CPXM2: variants seen among roughly 807,000 people sequenced by gnomAD.
CPXM2 encodes inactive carboxypeptidase-like protein X2.
CPXM2 carries 66 observed loss-of-function variants against 86.1 expected under a neutral mutation model. That is an observed-to-expected ratio of 0.77 (90% CI 0.63 to 0.94). CPXM2 has a LOEUF of 0.94. Among genes scored for constraint, CPXM2 ranks in the 40% least tolerant of loss-of-function variants. The probability of loss-of-function intolerance (pLI) is 0.00; values close to 1 mark genes in which losing one functional copy is unlikely to be tolerated. For missense variants in CPXM2, 948 were observed against 1,026.3 expected (o/e 0.92, Z 1.04); for synonymous variants, 388 against 400.2 (o/e 0.97, Z 0.36).
At chr10:123,922,662 T>C (rs1182139221) in intron 2 of CPXM2, among the ~76,000 whole-genome samples, 1 of 152,218 alleles carries the variant, frequency 6.6e-6, no homozygotes, top group African/African-American at 2.4e-5. Flanking sequence ...TGAGATTAAA[T>C]TCCCCAAAGC....
rs1385809627 is a variant in CPXM2, at chr10:123,822,727, TAATA to T, written c.653+19618_653+19621del. The stretch of plus-strand genomic sequence containing the variant: ...AGGCAGCAGAAAATGGACCTGAAAA[TAATA>T]ATAATAATAATAATAATAATAGAAT... On this transcript the variant is annotated intron_variant, in intron 4 of 13. Coordinates refer to ENST00000241305, the MANE Select transcript of CPXM2 (RefSeq NM_198148.3). 3.0e-3 allele frequency among the ~76,000 whole-genome samples: 11 copies of T among 3,642 alleles called. No homozygotes were observed. The East Asian group carries it at 0.33, about 110-fold the overall frequency. The allele number at this position is 3,642 out of a possible 152,430, so 2.4% of individuals were successfully genotyped here. A position where few individuals can be genotyped will look rare whatever the true frequency, so the allele number is the denominator to read the frequency against.
intron 11 of CPXM2, among the ~76,000 whole-genome samples, chr10:123,760,695 CTG>C (rs557480918): frequency 6.0e-4 from 91 of 152,328 alleles, no homozygotes; most frequent in Non-Finnish European, 9.6e-4. Context: ...CTTATCACGA[CTG>C]TTTCTGTGAG....
At chr10:123,835,102 C>T (rs770465022) in intron 4 of CPXM2, among the ~76,000 whole-genome samples, 4 of 152,154 alleles carry the variant, frequency 2.6e-5, no homozygotes, top group Non-Finnish European at 5.9e-5. Context: ...TATAGCAACA[C>T]CAATGGACTA....
chr10:123,936,405 T>A (rs1030853011), intron 2 of CPXM2, among the ~76,000 whole-genome samples: 2 of 152,232 alleles, frequency 1.3e-5, no homozygotes, highest in African/African-American at 4.8e-5. Flanking sequence ...TCTGCAGCTC[T>A]TATCGGCTAT....
At chr10:123,753,979 T>C (rs755373966) in intron 13 of CPXM2, among the ~76,000 whole-genome samples, 3 of 152,238 alleles carry the variant, frequency 2.0e-5, no homozygotes, top group Non-Finnish European at 4.4e-5. Context: ...ATACAATTTA[T>C]GTGAGGAATG....
chr10:123,814,598 G>A (rs1187028553), intron 4 of CPXM2, among the ~76,000 whole-genome samples: 3 of 151,922 alleles, frequency 2.0e-5, no homozygotes, highest in Non-Finnish European at 4.4e-5. Flanking sequence ...GAATATTAAC[G>A]ATGGAGTTCT....
chr10:123,770,347 C>T (rs1430044017), intron 8 of CPXM2, among the ~76,000 whole-genome samples: 1 of 152,094 alleles, frequency 6.6e-6, no homozygotes, highest in African/African-American at 2.4e-5. Context: ...CTCCTGAGAC[C>T]CTGATGAATG....
intron 7 of CPXM2, among the ~76,000 whole-genome samples, chr10:123,776,026 C>T (rs1846779005): frequency 6.6e-6 from 1 of 152,116 alleles, no homozygotes; most frequent in Admixed American, 6.5e-5. Context: ...TTGATGACTT[C>T]AGTCAGAGTA....
chr10:123,828,959 T>C (rs1848103795), intron 4 of CPXM2, among the ~76,000 whole-genome samples: 2 of 152,150 alleles, frequency 1.3e-5, no homozygotes, highest in Admixed American at 6.6e-5. Context: ...AGAAAATATT[T>C]ACAAACCACA....
intron 7 of CPXM2, among the ~76,000 whole-genome samples, chr10:123,773,732 G>C (rs1846714921): frequency 6.6e-6 from 1 of 152,166 alleles, no homozygotes. Flanking sequence ...AGGAATCATG[G>C]GGTTAAATGG....
Position 123,803,006 on chromosome 10 carries a change from T to C in CPXM2, c.654-3807A>G, listed in dbSNP as rs147032880. Reference sequence around the variant, plus strand: ...CTTTTTCAATTAAGTTGTCTGTCTTTCTCACATTGATTTATAGAGCTCTTT... The same window carrying C: ...CTTTTTCAATTAAGTTGTCTGTCTTCCTCACATTGATTTATAGAGCTCTTT... On this transcript the variant is annotated intron_variant, in intron 4 of 13. Transcript: ENST00000241305. Among the ~76,000 whole-genome samples the C allele has an allele frequency of 1.1e-3, 171 of 152,068 alleles. 1 individual carries two copies. The highest frequency in any genetic ancestry group is 4.3e-3 in the Admixed American group (65 of 15,260).
chr10:123,771,379 G>A (rs1017570172), intron 7 of CPXM2, among the ~76,000 whole-genome samples: 3 of 152,036 alleles, frequency 2.0e-5, no homozygotes, highest in Non-Finnish European at 4.4e-5. Flanking sequence ...AAAATCCATA[G>A]GCTGAAACCT....
intron 2 of CPXM2, among the ~76,000 whole-genome samples, chr10:123,920,225 A>G (rs1028168673): frequency 1.3e-5 from 2 of 152,252 alleles, no homozygotes; most frequent in Non-Finnish European, 2.9e-5. Context: ...GGAAACCAAA[A>G]GATTATTGAA....
upstream of CPXM2, among the ~76,000 whole-genome samples, chr10:123,940,620 T>C (rs1590132895): frequency 1.3e-5 from 2 of 152,166 alleles, no homozygotes; most frequent in African/African-American, 4.8e-5. Context: ...AACACCCACC[T>C]AACAAGCATC....
rs914510962 is a variant in CPXM2 at position 123,836,223 on chromosome 10, C to T, written c.653+6126G>A. Reference sequence around the variant, plus strand: ...ACCTCCCCTTGGCTCCATCTCAGCCCCTTGAACCCTGACCCCAGTCATCAA... The same window carrying T: ...ACCTCCCCTTGGCTCCATCTCAGCCTCTTGAACCCTGACCCCAGTCATCAA... On this transcript the variant is annotated intron_variant, in intron 4 of 13. Transcript: ENST00000241305. 3.3e-5 allele frequency among the ~76,000 whole-genome samples: 5 copies of T among 152,216 alleles called. No individual in the cohort carries two copies. The South Asian group carries it at 6.2e-4, about 19-fold the overall frequency.
intron 2 of CPXM2, among the ~76,000 whole-genome samples, chr10:123,935,739 A>G (rs868836197): frequency 2.0e-5 from 3 of 152,122 alleles, no homozygotes; most frequent in African/African-American, 7.2e-5. Flanking sequence ...AAATACAAGC[A>G]TCATCACCAT....
At chr10:123,933,306 T>A (rs753511523) in intron 2 of CPXM2, among the ~76,000 whole-genome samples, 1 of 152,180 alleles carries the variant, frequency 6.6e-6, no homozygotes, top group African/African-American at 2.4e-5. Flanking sequence ...GGCATTTTGA[T>A]TAAATAAGAC....
At chr10:123,930,417 G>A (rs954073687) in intron 2 of CPXM2, among the ~76,000 whole-genome samples, 17 of 152,336 alleles carry the variant, frequency 1.1e-4, no homozygotes, top group East Asian at 5.8e-4. Flanking sequence ...TATCTTGGGC[G>A]TGAAACATTC....
chr10:123,912,880 G>C (rs1358811321), intron 2 of CPXM2, among the ~76,000 whole-genome samples: 1 of 152,206 alleles, frequency 6.6e-6, no homozygotes, highest in Non-Finnish European at 1.5e-5. Flanking sequence ...TTGCCAACTA[G>C]GTATAGAGGG....
Sources: gnomAD v4.1 joint callset for allele counts (sites outside exome capture counted in the v4.1 genomes callset) on GRCh38, gnomAD v4.1.1 for gene constraint, MANE v1.5 for transcripts, NCBI Gene and HGNC (gene_info 2026-07-23, HGNC 2026-07-21) for gene names.